The following MBD5 variants were observed in gnomAD, a reference collection of about 807,000 sequenced individuals.
The protein encoded by MBD5 is methyl-CpG binding domain protein 5, also known as methyl-CpG-binding domain protein 5.
In MBD5, 13 loss-of-function variants were observed where a neutral mutation model predicts 117.3. The ratio of observed to expected loss-of-function variants is 0.11; its 90% confidence interval spans 0.07 to 0.18. The LOEUF (loss-of-function observed/expected upper bound fraction) is 0.18, where lower values mean the gene tolerates loss of function less well. Among genes scored for constraint, MBD5 ranks in the 10% least tolerant of loss-of-function variants. MBD5 has a pLI of 1.00. For synonymous variants in MBD5, 727 were observed against 766.4 expected (o/e 0.95, Z 0.85); for missense variants, 1,879 against 2,093.8 (o/e 0.90, Z 2.00).
intron 2 of MBD5, among the ~76,000 whole-genome samples, chr2:148,187,771 A>C (rs769073523): frequency 6.6e-6 from 1 of 152,180 alleles, no homozygotes; most frequent in Non-Finnish European, 1.5e-5. Context: ...ACCTGTTACA[A>C]GAAATGTTAA....
intron 1 of MBD5, among the ~76,000 whole-genome samples, chr2:148,162,177 A>C (rs1698020577): frequency 2.0e-5 from 3 of 152,210 alleles, no homozygotes; most frequent in Non-Finnish European, 4.4e-5. Flanking sequence ...AGCCAATTCT[A>C]AGGCATGTGC....
At chr2:148,452,044 T>A (rs1264035619) in intron 4 of MBD5, among the ~76,000 whole-genome samples, 1 of 152,192 alleles carries the variant, frequency 6.6e-6, no homozygotes, top group Non-Finnish European at 1.5e-5. Flanking sequence ...TTACTCATAA[T>A]ATCACATGAC....
At chr2:148,062,175 A>G (rs1259444875) in intron 1 of MBD5, 1 of 151,684 alleles carries the variant, frequency 6.6e-6, no homozygotes, top group African/African-American at 2.4e-5. Context: ...TAAGATGAAT[A>G]GATGTAACCA....
intron 11 of MBD5, among the ~76,000 whole-genome samples, chr2:148,493,111 T>G (rs1681580397): frequency 6.6e-6 from 1 of 152,230 alleles, no homozygotes; most frequent in Admixed American, 6.5e-5. Context: ...AGGCAGAGAC[T>G]AGGTCCAAAT....
chr2:148,386,563 A>C (rs543252299), intron 4 of MBD5, among the ~76,000 whole-genome samples: 79 of 151,362 alleles, frequency 5.2e-4, no homozygotes, highest in African/African-American at 1.8e-3. Context: ...CTAAAAATAC[A>C]AAAAAATTAG....
intron 1 of MBD5, among the ~76,000 whole-genome samples, chr2:148,100,933 ATTGG>A (rs983821892): frequency 2.0e-5 from 3 of 147,748 alleles, no homozygotes; most frequent in African/African-American, 7.3e-5. Context: ...TGATTGATTG[ATTGG>A]CATCTTTGTA....
intron 4 of MBD5, among the ~76,000 whole-genome samples, chr2:148,447,201 A>AAGAAAGAG (rs1706578037): frequency 9.0e-5 from 1 of 11,104 alleles, no homozygotes; most frequent in African/African-American, 1.0e-4. Flanking sequence ...GAAAGAAAGA[A>AAGAAAGAG]AGAAAGAAAG....
intron 5 of MBD5, among the ~76,000 whole-genome samples, chr2:148,461,175 C>T (rs1265839202): frequency 3.9e-5 from 6 of 152,078 alleles, no homozygotes; most frequent in Non-Finnish European, 7.4e-5. Context: ...TCAAGTGATC[C>T]GCCTGCCTCG....
chr2:148,333,232 T>C (rs1020969452), intron 3 of MBD5, among the ~76,000 whole-genome samples: 6 of 152,206 alleles, frequency 3.9e-5, no homozygotes, highest in Non-Finnish European at 8.8e-5. Flanking sequence ...AGTCTAGTGG[T>C]CCTTGGCTGT....
intron 10 of MBD5, among the ~76,000 whole-genome samples, chr2:148,488,644 A>G (rs2105115808): frequency 1.8e-5 from 2 of 113,966 alleles, no homozygotes; most frequent in South Asian, 6.5e-4. Flanking sequence ...TAATTCTTAG[A>G]TGGTGCGGGG....
At chr2:148,261,734 A>C (rs188958525) in intron 3 of MBD5, among the ~76,000 whole-genome samples, 1 of 152,208 alleles carries the variant, frequency 6.6e-6, no homozygotes, top group Non-Finnish European at 1.5e-5. Context: ...TACATTCACA[A>C]CTTGGCTACC....
chr2:148,240,298 A>AG (rs1700187146), intron 3 of MBD5, among the ~76,000 whole-genome samples: 1 of 152,202 alleles, frequency 6.6e-6, no homozygotes, highest in Non-Finnish European at 1.5e-5. Flanking sequence ...GGATAGCATT[A>AG]GGAGATATAC....
intron 4 of MBD5, among the ~76,000 whole-genome samples, chr2:148,359,610 C>T (rs1036997584): frequency 1.3e-5 from 2 of 151,954 alleles, no homozygotes; most frequent in Admixed American, 6.6e-5. Context: ...TTTGTGTACT[C>T]GATTGAAAGA....
At chr2:148,398,561 C>A (rs1704809703) in intron 4 of MBD5, among the ~76,000 whole-genome samples, 1 of 152,094 alleles carries the variant, frequency 6.6e-6, no homozygotes, top group African/African-American at 2.4e-5. Flanking sequence ...AGCCCTTTGT[C>A]AGATGAGTAG....
intron 4 of MBD5, among the ~76,000 whole-genome samples, chr2:148,396,450 C>T (rs886232184): frequency 5.9e-5 from 9 of 152,256 alleles, no homozygotes; most frequent in Admixed American, 1.3e-4. Context: ...TACACTTTCA[C>T]AGTGCTGCTC....
intron 4 of MBD5, among the ~76,000 whole-genome samples, chr2:148,350,123 G>A (rs779431440): frequency 5.9e-5 from 9 of 151,852 alleles, no homozygotes; most frequent in Non-Finnish European, 1.0e-4. Context: ...TAAATGACTG[G>A]CTAGGAGCAC....
chr2:148,068,742 A>G (rs1332277358), intron 1 of MBD5: 1 of 152,192 alleles, frequency 6.6e-6, no homozygotes, highest in Non-Finnish European at 1.5e-5. Flanking sequence ...GTGACTGGTG[A>G]TAATTGTAAC....
intron 1 of MBD5, among the ~76,000 whole-genome samples, chr2:148,155,431 C>T (rs1193715196): frequency 6.6e-6 from 1 of 152,192 alleles, no homozygotes; most frequent in African/African-American, 2.4e-5. Context: ...TGTCTTGGTC[C>T]TGAATTCCTG....
At chr2:148,073,354 G>A (rs1036554023) in intron 1 of MBD5, among the ~76,000 whole-genome samples, 2 of 152,042 alleles carry the variant, frequency 1.3e-5, no homozygotes, top group Non-Finnish European at 2.9e-5. Context: ...GGAGTTATGC[G>A]GTGGGGATAT....
Sources: allele counts gnomAD v4.1 joint callset (sites outside exome capture counted in the v4.1 genomes callset), GRCh38; gene constraint gnomAD v4.1.1; transcripts MANE v1.5; gene names NCBI Gene and HGNC (gene_info 2026-07-23, HGNC 2026-07-21).